Variants in AKR1C3 observed in about 807,000 individuals in gnomAD.
AKR1C3 encodes 3-alpha hydroxysteroid dehydrogenase, type II.
A neutral mutation model predicts 43.6 loss-of-function variants in AKR1C3; 48 were observed. The ratio of observed to expected loss-of-function variants is 1.10; its 90% CI spans 0.87 to 1.40. The LOEUF (loss-of-function observed/expected upper bound fraction) is 1.40. AKR1C3 is among the 40% of genes most tolerant of loss of function. The pLI is 0.00. For missense variants in AKR1C3, 482 were observed against 391.2 expected (o/e 1.23, Z -1.96); for synonymous variants, 162 against 139.6 (o/e 1.16, Z -1.13).
At chr10:5,057,705 T>C (rs1156764772) in intron 1 of AKR1C3, among the ~76,000 whole-genome samples, 2 of 152,116 alleles carry the variant, frequency 1.3e-5, no homozygotes, top group East Asian at 3.9e-4. Context: ...ATGATCTGAG[T>C]CAAGGTCCCA....
At chr10:5,100,129 C>T (rs1170602005) in intron 5 of AKR1C3, among the ~76,000 whole-genome samples, 2 of 151,980 alleles carry the variant, frequency 1.3e-5, no homozygotes, top group East Asian at 1.9e-4. Flanking sequence ...CCCATCTCTA[C>T]TAAAAATACA....
Position 5,099,391 on chromosome 10 carries a change from G to A in AKR1C3, c.512G>A (p.Arg171Lys). The change falls in exon 5 of 9, where the codon AGG becomes AAG. Residue 171 changes from arginine to lysine, a missense_variant. Transcript: ENST00000380554. ...ATTGGGGTGTCAAACTTCAACCGCA[G>A]GCAGCTGGAGATGATCCTCAACAAG... ...KSIGVSNFNR[R>K]QLEMILNKPG... is the part of the protein sequence containing the mutation. 1 of 1,614,176 alleles carries A rather than the reference G, an allele frequency of 6.2e-7. No individual in the cohort carries two copies. Among genetic ancestry groups the A allele is most frequent in the Non-Finnish European group, 8.5e-7 (1 of 1,180,040 alleles).
At chr10:5,078,716 C>T (rs945150320) in intron 1 of AKR1C3, among the ~76,000 whole-genome samples, 1 of 152,180 alleles carries the variant, frequency 6.6e-6, no homozygotes, top group African/African-American at 2.4e-5. Flanking sequence ...TACATATAGG[C>T]AGGGCCCAGA....
At chr10:5,083,505 C>A (rs1838883297) in intron 1 of AKR1C3, among the ~76,000 whole-genome samples, 1 of 152,148 alleles carries the variant, frequency 6.6e-6, no homozygotes, top group South Asian at 2.1e-4. Context: ...GGTTCCAAGT[C>A]TTTGCTATTG....
At chr10:5,091,519 TAA>T (rs1453141615), upstream of AKR1C3, among the ~76,000 whole-genome samples, 2 of 152,164 alleles carry the variant, frequency 1.3e-5, no homozygotes, top group Non-Finnish European at 1.5e-5. Flanking sequence ...TATCCTTAAT[TAA>T]CAATGTTTTT....
intron 7 of AKR1C3, among the ~76,000 whole-genome samples, chr10:5,104,354 G>A (rs1259075610): frequency 2.0e-5 from 3 of 150,706 alleles, no homozygotes; most frequent in African/African-American, 7.3e-5. Flanking sequence ...AACAATTATT[G>A]AAAAGCATTC....
upstream of AKR1C3, among the ~76,000 whole-genome samples, chr10:5,092,590 G>C (rs1839119075): frequency 6.6e-6 from 1 of 151,070 alleles, no homozygotes. Context: ...CCTCTAGTGA[G>C]ATTTTCACTT....
At chr10:5,084,722 T>C (rs4880707) in intron 1 of AKR1C3, among the ~76,000 whole-genome samples, 117,397 of 150,108 alleles carry the variant, frequency 0.78, 45,309 homozygotes, top group East Asian at 0.86. Flanking sequence ...TGGAATATTC[T>C]TCCATTTCTT....
intron 8 of AKR1C3, 49 bp from the exon 9 acceptor site, chr10:5,107,402 TTACTACTCCC>T: frequency 8.2e-7 from 1 of 1,223,536 alleles, no homozygotes; most frequent in Non-Finnish European, 1.2e-6. Context: ...TGAAATCACT[TTACTACTCCC>T]CTAGTAATGG....
At chr10:5,064,102 C>A (rs1329141082) in intron 1 of AKR1C3, among the ~76,000 whole-genome samples, 1 of 152,250 alleles carries the variant, frequency 6.6e-6, no homozygotes, top group South Asian at 2.1e-4. Flanking sequence ...GAGATTGCAA[C>A]CATTCAGTAA....
At chr10:5,090,282 A>G (rs567397609), upstream of AKR1C3, among the ~76,000 whole-genome samples, 4 of 151,964 alleles carry the variant, frequency 2.6e-5, no homozygotes, top group Non-Finnish European at 4.4e-5. Flanking sequence ...GCCCAAAGAG[A>G]GGTTACCAGA....
intron 1 of AKR1C3, among the ~76,000 whole-genome samples, chr10:5,058,465 A>G (rs1161110861): frequency 6.6e-6 from 1 of 152,182 alleles, no homozygotes; most frequent in Non-Finnish European, 1.5e-5. Context: ...AATTGGTCCC[A>G]ATGGCTTAGG....
rs558135003 is a variant in AKR1C3, at chr10:5,064,090, G to A, written c.84+15195G>A. Among the ~76,000 whole-genome samples, 182 of 152,194 alleles carry A rather than the reference G, an allele frequency of 1.2e-3. 1 individual carries two copies. Among genetic ancestry groups the A allele is most frequent in the South Asian group, 4.1e-4 (2 of 4,824 alleles). On this transcript the variant is annotated intron_variant, in intron 1 of 8. Coordinates refer to the AKR1C3 transcript ENST00000439082. ...GCTTCTCATTTGGTAAAATTATATC[G>A]TGAGATTGCAACCATTCAGTAATAT...
chr10:5,085,412 C>A (rs1824109875), intron 1 of AKR1C3, among the ~76,000 whole-genome samples: 2 of 152,102 alleles, frequency 1.3e-5, no homozygotes, highest in Admixed American at 6.5e-5. Context: ...AACCTTGCAT[C>A]CCAGGGATGA....
chr10:5,055,910 A>G (rs1234100319), intron 1 of AKR1C3, among the ~76,000 whole-genome samples: 1 of 152,146 alleles, frequency 6.6e-6, no homozygotes, highest in Non-Finnish European at 1.5e-5. Context: ...AACTGTTTTA[A>G]TGTCTTAGGG....
At chr10:5,101,054 G>A (rs1312600537) in intron 5 of AKR1C3, among the ~76,000 whole-genome samples, 9 of 152,140 alleles carry the variant, frequency 5.9e-5, no homozygotes, top group Middle Eastern at 3.2e-3. Context: ...CTAAGGAAAC[G>A]AACTGCAATG....
chr10:5,050,973 A>G (rs1347519319), intron 1 of AKR1C3, among the ~76,000 whole-genome samples: 1 of 152,258 alleles, frequency 6.6e-6, no homozygotes, highest in Non-Finnish European at 1.5e-5. Flanking sequence ...TCTTCAAAGT[A>G]GGGCAGAAAG....
At chr10:5,052,118 T>G (rs1838165581) in intron 1 of AKR1C3, among the ~76,000 whole-genome samples, 1 of 152,158 alleles carries the variant, frequency 6.6e-6, no homozygotes, top group South Asian at 2.1e-4. Flanking sequence ...AGTTTATTCC[T>G]TCTGGTGGGT....
chr10:5,086,525 T>C (rs191694163), intron 1 of AKR1C3, among the ~76,000 whole-genome samples: 4 of 151,874 alleles, frequency 2.6e-5, no homozygotes, highest in Admixed American at 2.6e-4. Flanking sequence ...GTAGGTGTGG[T>C]GTGGTGCTGA....
Sources: gnomAD v4.1 joint callset for allele counts (sites outside exome capture counted in the v4.1 genomes callset) on GRCh38, gnomAD v4.1.1 for gene constraint, MANE v1.5 for transcripts, NCBI Gene and HGNC (gene_info 2026-07-23, HGNC 2026-07-21) for gene names.